Variants in GPM6A observed in about 807,000 individuals in gnomAD.
The protein encoded by GPM6A is neuronal membrane glycoprotein M6-a.
GPM6A carries 7 observed loss-of-function variants against 32.1 expected under a neutral mutation model. That is an observed-to-expected ratio of 0.22 (90% CI 0.12 to 0.41). The LOEUF is 0.41. GPM6A is among the 10% of genes least tolerant of loss of function. The pLI, the probability that GPM6A is intolerant of heterozygous loss-of-function variation, is 1.00. For missense variants in GPM6A, 235 were observed against 347.2 expected, an observed-to-expected ratio of 0.68 and a Z score of 2.57; for synonymous variants, 130 against 123.4, an observed-to-expected ratio of 1.05 and a Z score of -0.35.
chr4:175,880,485 T>C (rs6822529), intron 1 of GPM6A, among the ~76,000 whole-genome samples: 115,785 of 152,008 alleles, frequency 0.76, 44,531 homozygotes, highest in Non-Finnish European at 0.81. Context: ...GGCAGTATGG[T>C]CATTTTCATG....
At chr4:175,745,137 AC>A (rs1327534634) in intron 1 of GPM6A, among the ~76,000 whole-genome samples, 1 of 152,162 alleles carries the variant, frequency 6.6e-6, no homozygotes, top group African/African-American at 2.4e-5. Flanking sequence ...CAGAAAAAAA[AC>A]ATGAAATACC....
Position 175,772,598 on chromosome 4 carries a change from G to A in GPM6A, c.37+39593C>T, listed in dbSNP as rs562456746. ...TTTGAGCCTCAGGTCTTCCTAACTG[G>A]CTTCTATCCACTCCCTCTGGAGGAA... is the stretch of plus-strand genomic sequence containing the variant. On this transcript the variant is annotated intron_variant, in intron 1 of 6. Coordinates refer to ENST00000393658, the MANE Select transcript of GPM6A (RefSeq NM_201591.3). Among the ~76,000 whole-genome samples the A allele has an allele frequency of 3.9e-5, 6 of 152,106 alleles. No homozygotes were observed. The East Asian group carries it at 1.2e-3, about 29-fold the overall frequency.
At chr4:175,933,375 TAA>T (rs1325718210) in intron 1 of GPM6A, among the ~76,000 whole-genome samples, 13 of 152,164 alleles carry the variant, frequency 8.5e-5, no homozygotes, top group Admixed American at 8.5e-4. Flanking sequence ...AGAGTAACAC[TAA>T]GTCTCATACA....
intron 1 of GPM6A, among the ~76,000 whole-genome samples, chr4:175,768,187 A>G (rs1427686428): frequency 2.6e-5 from 4 of 152,224 alleles, no homozygotes; most frequent in Non-Finnish European, 5.9e-5. Context: ...CAATTTGACA[A>G]CTAAAATTCT....
At chr4:175,642,143 A>G (rs775437421) in intron 4 of GPM6A, 5 of 152,222 alleles carry the variant, frequency 3.3e-5, no homozygotes, top group Non-Finnish European at 5.9e-5. Flanking sequence ...TATTTGCAGT[A>G]AACAAACACA....
chr4:175,824,632 C>T (rs1270022443), intron 1 of GPM6A, among the ~76,000 whole-genome samples: 1 of 152,168 alleles, frequency 6.6e-6, no homozygotes, highest in African/African-American at 2.4e-5. Flanking sequence ...CCTTACCATT[C>T]ATAAAGTGAG....
chr4:175,691,802 C>T (rs999009756), intron 2 of GPM6A, among the ~76,000 whole-genome samples: 1 of 152,070 alleles, frequency 6.6e-6, no homozygotes, highest in African/African-American at 2.4e-5. Flanking sequence ...AGGAGATTAC[C>T]CTGGATTATC....
chr4:175,947,547 G>A (rs931275892), intron 1 of GPM6A: 2 of 151,994 alleles, frequency 1.3e-5, no homozygotes, highest in South Asian at 4.2e-4. Context: ...TATTATAAAA[G>A]CACATCATAA....
intron 3 of GPM6A, among the ~76,000 whole-genome samples, chr4:175,668,064 A>G (rs1157001578): frequency 6.6e-6 from 1 of 152,106 alleles, no homozygotes; most frequent in African/African-American, 2.4e-5. Context: ...ACAGTTTTCT[A>G]TTTTATCAAT....
At chr4:175,668,266 A>T (rs769302493) in intron 3 of GPM6A, among the ~76,000 whole-genome samples, 1 of 152,038 alleles carries the variant, frequency 6.6e-6, no homozygotes, top group Non-Finnish European at 1.5e-5. Context: ...GATATACGAG[A>T]TCTACTTCAG....
At chr4:175,845,569 A>G (rs1345858971) in intron 1 of GPM6A, among the ~76,000 whole-genome samples, 1 of 152,118 alleles carries the variant, frequency 6.6e-6, no homozygotes, top group Non-Finnish European at 1.5e-5. Context: ...TTATAACTAC[A>G]TTTAAATCTT....
At chr4:175,732,244 T>C (rs892806261) in intron 1 of GPM6A, among the ~76,000 whole-genome samples, 2 of 151,952 alleles carry the variant, frequency 1.3e-5, no homozygotes, top group Admixed American at 1.3e-4. Context: ...AGATTACAGG[T>C]GTGAGCCATT....
intron 1 of GPM6A, among the ~76,000 whole-genome samples, chr4:175,759,239 A>T (rs76837308): frequency 6.6e-6 from 1 of 152,014 alleles, no homozygotes; most frequent in Non-Finnish European, 1.5e-5. Context: ...CTGCCTCATG[A>T]TGATGGTTTT....
intron 2 of GPM6A, among the ~76,000 whole-genome samples, chr4:175,674,697 A>G (rs1289088052): frequency 1.3e-5 from 2 of 152,216 alleles, no homozygotes; most frequent in Non-Finnish European, 2.9e-5. Context: ...TACTCATCAT[A>G]CACATCATGT....
At chr4:175,664,055 C>A (rs115537088) in intron 3 of GPM6A, among the ~76,000 whole-genome samples, 4,275 of 152,016 alleles carry the variant, frequency 0.028, 78 homozygotes, top group Non-Finnish European at 0.038. Flanking sequence ...TGCGGAGGAA[C>A]CTTAAATGCA....
intron 3 of GPM6A, among the ~76,000 whole-genome samples, chr4:175,670,347 G>A (rs1187741887): frequency 6.6e-6 from 1 of 152,118 alleles, no homozygotes; most frequent in East Asian, 1.9e-4. Context: ...GAAATTTGTA[G>A]AAATAAGAAA....
chr4:175,893,293 A>G (rs1737701510), intron 1 of GPM6A, among the ~76,000 whole-genome samples: 1 of 152,214 alleles, frequency 6.6e-6, no homozygotes, highest in Non-Finnish European at 1.5e-5. Flanking sequence ...TGAAGAAAAT[A>G]ATCCTTTGTG....
At chr4:175,992,393 G>A (rs1239305650) in intron 1 of GPM6A, among the ~76,000 whole-genome samples, 1 of 152,160 alleles carries the variant, frequency 6.6e-6, no homozygotes, top group African/African-American at 2.4e-5. Flanking sequence ...TGTCTTCTCT[G>A]TCAGAAAGTC....
At chr4:175,906,477 C>G (rs531297800) in intron 1 of GPM6A, among the ~76,000 whole-genome samples, 68 of 152,118 alleles carry the variant, frequency 4.5e-4, no homozygotes, top group African/African-American at 1.6e-3. Context: ...AGAAAACAAG[C>G]CTTCAAACTC....
Sources: gnomAD v4.1 joint callset for allele counts (sites outside exome capture counted in the v4.1 genomes callset) on GRCh38, gnomAD v4.1.1 for gene constraint, MANE v1.5 for transcripts, NCBI Gene and HGNC (gene_info 2026-07-23, HGNC 2026-07-21) for gene names.